The following GBP7 variants were observed in gnomAD, a reference collection of about 807,000 sequenced individuals.
GBP7 encodes guanylate-binding protein 7.
In GBP7, 43 loss-of-function variants were observed where a neutral mutation model predicts 61.3. That is an observed-to-expected ratio of 0.70 (90% CI 0.55 to 0.91). The LOEUF (loss-of-function observed/expected upper bound fraction) is 0.91. Among genes scored for constraint, GBP7 ranks in the 40% least tolerant of loss-of-function variants. The probability of loss-of-function intolerance (pLI) is 0.00; values close to 1 mark genes in which losing one functional copy is unlikely to be tolerated. For synonymous variants in GBP7, 267 were observed against 271.0 expected (o/e 0.99, Z 0.14); for missense variants, 717 against 740.5 (o/e 0.97, Z 0.37).
intron 3 of GBP7, among the ~76,000 whole-genome samples, chr1:89,155,412 C>G (rs1301280200): frequency 6.6e-6 from 1 of 152,168 alleles, no homozygotes; most frequent in Non-Finnish European, 1.5e-5. Context: ...CTTCTCCAAG[C>G]TAAAGGAGGA....
At chr1:89,139,081 C>T (rs1681875903) in intron 9 of GBP7, among the ~76,000 whole-genome samples, 1 of 152,076 alleles carries the variant, frequency 6.6e-6, no homozygotes. Context: ...AAAAAATGCT[C>T]AACACCAAAA....
intron 2 of GBP7, among the ~76,000 whole-genome samples, chr1:89,165,269 A>C (rs1416396535): frequency 6.6e-6 from 1 of 152,120 alleles, no homozygotes; most frequent in Non-Finnish European, 1.5e-5. Flanking sequence ...TGGGAGGCCG[A>C]GGCAGGTGAA....
At chr1:89,157,006 C>G (rs1162971055) in intron 3 of GBP7, among the ~76,000 whole-genome samples, 4 of 152,228 alleles carry the variant, frequency 2.6e-5, no homozygotes, top group African/African-American at 9.7e-5. Context: ...CAAACTGTCT[C>G]TCAGACCACA....
Position 89,152,444 on chromosome 1 carries a change from T to A in GBP7, c.449A>T (p.Glu150Val), listed in dbSNP as rs1442850945. ...EQLHYVTELT[E>V]LIRAKSCPRP... Reference sequence around the variant, plus strand: ...GGGGCACGATTTTGCCCTGATTAGCTCTGTTAGCTCAGTCACGTAGCTGGG... The same window carrying A: ...GGGGCACGATTTTGCCCTGATTAGCACTGTTAGCTCAGTCACGTAGCTGGG... Residue 150 changes from glutamate to valine, a missense_variant, in exon 5 of 11, where the codon GAG becomes GTG. By Grantham distance (121) the Glu-to-Val change is moderately radical. Transcript: ENST00000294671. 6.2e-7 allele frequency: 1 copy of A among 1,614,094 alleles called. No homozygotes were observed. The highest frequency in any genetic ancestry group is 1.1e-5 in the South Asian group (1 of 91,068).
chr1:89,147,544 C>A (rs1682096753), intron 8 of GBP7, 23 bp downstream of exon 8: 1 of 1,575,628 alleles, frequency 6.3e-7, no homozygotes, highest in Non-Finnish European at 8.7e-7. Context: ...TGTCATCCAT[C>A]CCCTTCTCCC....
chr1:89,149,668 C>G (rs932115323), intron 6 of GBP7, 96 bp from the exon 7 acceptor site: 3 of 1,057,738 alleles, frequency 2.8e-6, no homozygotes, highest in Non-Finnish European at 2.7e-6. Flanking sequence ...AGAAAAAATT[C>G]CATTTAACAT....
chr1:89,161,129 C>G (rs1423555930), intron 3 of GBP7, among the ~76,000 whole-genome samples: 1 of 152,146 alleles, frequency 6.6e-6, no homozygotes. Flanking sequence ...TTTATGGCTG[C>G]ATAGTATTCC....
chr1:89,137,688 A>C, intron 9 of GBP7, among the ~76,000 whole-genome samples: 1 of 152,188 alleles, frequency 6.6e-6, no homozygotes, highest in East Asian at 1.9e-4. Flanking sequence ...ACCCACAGCC[A>C]ACATCATACT....
intron 2 of GBP7, among the ~76,000 whole-genome samples, chr1:89,168,648 A>C (rs1222695073): frequency 6.6e-6 from 1 of 152,034 alleles, no homozygotes; most frequent in Non-Finnish European, 1.5e-5. Context: ...ACTTAAAACC[A>C]AACTGGCCAG....
Position 89,147,674 on chromosome 1 carries a change from T to C in GBP7, c.1258A>G (p.Ser420Gly). Residue 420 changes from serine to glycine, a missense_variant, in exon 8 of 11, where the codon AGT becomes GGT. Ser to Gly is a moderately conservative substitution (Grantham distance 56, BLOSUM62 0). Transcript: ENST00000294671. ...ACAAAGAAAGTTCCTCTTGAAATAC[T>C]TTCTGTCAAGAGCTCTGAAAGCCGC... ...LKRLSELLTE[S>G]ISRGTFFVPG... is the part of the protein sequence containing the mutation. 1 of 1,614,182 alleles carries C rather than the reference T, an allele frequency of 6.2e-7. No individual in the cohort carries two copies. The highest frequency in any genetic ancestry group is 8.5e-7 in the Non-Finnish European group (1 of 1,179,980).
intron 3 of GBP7, among the ~76,000 whole-genome samples, chr1:89,161,105 G>T (rs1647254858): frequency 6.6e-6 from 1 of 152,086 alleles, no homozygotes; most frequent in Non-Finnish European, 1.5e-5. Flanking sequence ...CCCTGCAAAT[G>T]ATCTTGTTCT....
intron 10 of GBP7, 142 bp downstream of exon 10, chr1:89,133,116 A>T: frequency 1.5e-6 from 1 of 666,300 alleles, no homozygotes. Flanking sequence ...CTTCAGTAGA[A>T]TTCATATGTA....
At chr1:89,164,523 A>C (rs1380031558) in intron 3 of GBP7, among the ~76,000 whole-genome samples, 1 of 152,208 alleles carries the variant, frequency 6.6e-6, no homozygotes, top group Non-Finnish European at 1.5e-5. Flanking sequence ...AATTCATCCA[A>C]CTGTTAAAAA....
At chr1:89,149,700 C>G in intron 6 of GBP7, 128 bp from the exon 7 acceptor site, 1 of 703,826 alleles carries the variant, frequency 1.4e-6, no homozygotes, top group South Asian at 2.1e-5. Flanking sequence ...CCTTCTCCTT[C>G]TTTCAATTCT....
chr1:89,163,411 G>A (rs1218921758), intron 3 of GBP7, among the ~76,000 whole-genome samples: 2 of 149,020 alleles, frequency 1.3e-5, no homozygotes, highest in Non-Finnish European at 3.0e-5. Context: ...TTTTTTTTTG[G>A]TAGGTGGGCT....
chr1:89,153,905 G>T (rs115162558), intron 3 of GBP7, among the ~76,000 whole-genome samples: 3,135 of 152,240 alleles, frequency 0.021, 35 homozygotes, highest in Middle Eastern at 0.048. Flanking sequence ...GGAAATGAAA[G>T]AATTAAAAAG....
At position 89,159,795 on chromosome 1, in the gene GBP7, C is replaced by T. The variant is rs551126563; in HGVS notation, c.318+4936G>A. Among the ~76,000 whole-genome samples, 24 of 152,278 alleles carry T rather than the reference C, an allele frequency of 1.6e-4. No individual in the cohort carries two copies. The South Asian group carries it at 3.3e-3, about 21-fold the overall frequency. On this transcript the variant is annotated intron_variant, in intron 3 of 10. Coordinates refer to ENST00000294671, the MANE Select transcript of GBP7 (RefSeq NM_207398.3). ...TAATCTAGTTCAACCATGTGGAAGA[C>T]GGCGTGGTGATTCCACAAGGATCTA...
chr1:89,134,019 G>T (rs1445324430), intron 9 of GBP7, among the ~76,000 whole-genome samples: 1 of 152,192 alleles, frequency 6.6e-6, no homozygotes. Flanking sequence ...TTGCCTGTGG[G>T]ACAGATCCAG....
At chr1:89,151,223 C>A (rs1335091258) in intron 5 of GBP7, among the ~76,000 whole-genome samples, 1 of 152,106 alleles carries the variant, frequency 6.6e-6, no homozygotes, top group Non-Finnish European at 1.5e-5. Flanking sequence ...CTCACCATGC[C>A]CTGGTAACCA....
Sources: allele counts gnomAD v4.1 joint callset (sites outside exome capture counted in the v4.1 genomes callset), GRCh38; gene constraint gnomAD v4.1.1; transcripts MANE v1.5; gene names NCBI Gene and HGNC (gene_info 2026-07-23, HGNC 2026-07-21).